IQSEC1: variants seen among roughly 807,000 people sequenced by gnomAD.
IQSEC1 encodes IQ motif and Sec7 domain ArfGEF 1.
A neutral mutation model predicts 91.0 loss-of-function variants in IQSEC1; 31 were observed. The ratio of observed to expected loss-of-function variants is 0.34; its 90% CI spans 0.26 to 0.46. IQSEC1 has a LOEUF of 0.46. IQSEC1 is among the 20% of genes least tolerant of loss of function. IQSEC1 has a pLI of 1.00. For synonymous variants in IQSEC1, 699 were observed against 662.6 expected (o/e 1.05, Z -0.84); for missense variants, 1,388 against 1,575.6 (o/e 0.88, Z 2.02).
rs1274773101 is a variant in IQSEC1 at position 12,901,022 on chromosome 3, G to A, written c.3306C>T (p.Ser1102=). Residue 1102 remains serine, a synonymous_variant, in exon 14 of 14, where the codon AGC becomes AGT. Coordinates refer to ENST00000613206, the MANE Select transcript of IQSEC1 (RefSeq NM_001134382.3). ...GQPPAPPPPT[S]SKAKPSGIST... ...TGATGCCGCTGGGTTTGGCCTTGCT[G>A]CTGGTGGGGGGCGGCGGGGCAGGGG... 6 of 1,545,048 alleles carry A rather than the reference G, an allele frequency of 3.9e-6. No individual in the cohort carries two copies. Among genetic ancestry groups the A allele is most frequent in the South Asian group, 2.4e-5 (2 of 84,060 alleles).
At chr3:13,003,864 AT>A (rs1315827738) in intron 1 of IQSEC1, among the ~76,000 whole-genome samples, 1 of 152,242 alleles carries the variant, frequency 6.6e-6, no homozygotes, top group Admixed American at 6.6e-5. Flanking sequence ...CTGGAGCAGT[AT>A]TTAGGGGTGA....
At chr3:13,176,799 T>C (rs2125010732) in intron 1 of IQSEC1, among the ~76,000 whole-genome samples, 1 of 152,280 alleles carries the variant, frequency 6.6e-6, no homozygotes, top group South Asian at 2.1e-4. Context: ...GCCACAAAAC[T>C]AAGAAAATAG....
chr3:13,008,984 T>C lies in IQSEC1; in HGVS notation c.23+64008A>G, dbSNP rs936863012. ...AGTGACTTGCACAAGGCCACATGGC[T>C]TGTATGCTGCAGAGCTGGGTCTTGG... On this transcript the variant is annotated intron_variant, in intron 1 of 13. Transcript: ENST00000613206. This position sits in a 1 kb window ranked among gnomAD's most constrained non-coding sequence, Gnocchi z 4.1. Among the ~76,000 whole-genome samples the C allele has an allele frequency of 1.3e-5, 2 of 152,210 alleles. No homozygotes were observed. Among genetic ancestry groups the C allele is most frequent in the African/African-American group, 4.8e-5 (2 of 41,464 alleles).
chr3:12,900,434 C>A lies in IQSEC1; in HGVS notation c.*549G>T, dbSNP rs1054310095. The A allele has an allele frequency of 6.7e-6, 6 of 896,968 alleles. No homozygotes were observed. In the South Asian group the frequency reaches 3.1e-4, roughly 46 times the overall value. The allele number at this position is 896,968 out of a possible 1,614,324, so 55.6% of individuals were successfully genotyped here. Reference sequence around the variant, plus strand: ...GACTGAAACGCCTGCCTTTCACACACAAGTACTACCTATACAGTATATATA... The same window carrying A: ...GACTGAAACGCCTGCCTTTCACACAAAAGTACTACCTATACAGTATATATA... On this transcript the variant is annotated 3_prime_UTR_variant, in exon 14 of 14. Coordinates refer to ENST00000613206, the MANE Select transcript of IQSEC1 (RefSeq NM_001134382.3).
At chr3:13,121,623 T>A (rs1172859958) in intron 2 of IQSEC1, among the ~76,000 whole-genome samples, 2 of 152,154 alleles carry the variant, frequency 1.3e-5, no homozygotes, top group East Asian at 3.9e-4. Flanking sequence ...TGAGAAGGCA[T>A]CTGCCAATGC....
chr3:13,220,544 G>C (rs1391266105), intron 1 of IQSEC1, among the ~76,000 whole-genome samples: 3 of 152,106 alleles, frequency 2.0e-5, no homozygotes, highest in African/African-American at 7.3e-5. Context: ...CAGGGAAGAG[G>C]ACTCCCTGCT....
chr3:13,031,488 C>T (rs1223881587), intron 1 of IQSEC1, among the ~76,000 whole-genome samples: 1 of 152,212 alleles, frequency 6.6e-6, no homozygotes, highest in Admixed American at 6.5e-5. Flanking sequence ...GACAGTGTCC[C>T]AGGTCTCCCG....
At chr3:12,956,542 G>A (rs1024588235) in intron 1 of IQSEC1, among the ~76,000 whole-genome samples, 10 of 152,186 alleles carry the variant, frequency 6.6e-5, no homozygotes, top group African/African-American at 1.9e-4. Flanking sequence ...TTCACCAGAC[G>A]CCCTCGTTCC....
intron 1 of IQSEC1, among the ~76,000 whole-genome samples, chr3:13,174,483 CG>C (rs981193447): frequency 6.6e-6 from 1 of 152,146 alleles, no homozygotes; most frequent in South Asian, 2.1e-4. Context: ...CCCATCTCAG[CG>C]GGGGCTCCTC....
At chr3:13,001,424 T>C (rs1417678063) in intron 1 of IQSEC1, among the ~76,000 whole-genome samples, 1 of 152,170 alleles carries the variant, frequency 6.6e-6, no homozygotes, top group Non-Finnish European at 1.5e-5. Context: ...CTGATGGGCC[T>C]CTAAGAATAC....
intron 1 of IQSEC1, among the ~76,000 whole-genome samples, chr3:13,196,077 G>C (rs1694119893): frequency 6.6e-6 from 1 of 152,150 alleles, no homozygotes; most frequent in African/African-American, 2.4e-5. Flanking sequence ...CTCCCATCTG[G>C]TGCTTTTGTC....
rs139451386 is a variant in IQSEC1 at position 13,224,877 on chromosome 3, C to G, written c.272+57834G>C. Among the ~76,000 whole-genome samples, 579 of 152,380 alleles carry G rather than the reference C, an allele frequency of 3.8e-3. 5 individuals carry two copies. Among genetic ancestry groups the G allele is most frequent in the African/African-American group, 0.013 (551 of 41,592 alleles). On this transcript the variant is annotated intron_variant, in intron 1 of 15. Coordinates refer to the IQSEC1 transcript ENST00000648114. ...CCCCAGAAGCCAGCACCTCTACTAA[C>G]AATTCCATCAGCAAAGCATACCGGA...
At chr3:13,181,702 G>A (rs1576285647) in intron 1 of IQSEC1, among the ~76,000 whole-genome samples, 1 of 152,360 alleles carries the variant, frequency 6.6e-6, no homozygotes, top group South Asian at 2.1e-4. Context: ...GGGCCACAAA[G>A]GAGGAGGAAA....
At chr3:13,159,703 C>T (rs1707137881) in intron 2 of IQSEC1, among the ~76,000 whole-genome samples, 2 of 152,140 alleles carry the variant, frequency 1.3e-5, no homozygotes, top group African/African-American at 4.8e-5. Flanking sequence ...AGGTGAGACC[C>T]CCACCCACAG....
chr3:12,986,675 TA>T (rs1394765086), intron 1 of IQSEC1, among the ~76,000 whole-genome samples: 1 of 152,138 alleles, frequency 6.6e-6, no homozygotes, highest in African/African-American at 2.4e-5. Flanking sequence ...CACCAGGGTC[TA>T]GGGGGCAGGC....
At chr3:13,019,254 C>T (rs1703288443) in intron 1 of IQSEC1, among the ~76,000 whole-genome samples, 2 of 152,212 alleles carry the variant, frequency 1.3e-5, no homozygotes, top group South Asian at 2.1e-4. Context: ...GCCAAAGTTC[C>T]AGAGACCCTT....
intron 1 of IQSEC1, among the ~76,000 whole-genome samples, chr3:13,208,284 C>A (rs950566862): frequency 1.3e-5 from 2 of 151,794 alleles, no homozygotes; most frequent in African/African-American, 4.8e-5. Flanking sequence ...TGGTGCCTCC[C>A]ACTCTACAGA....
chr3:13,179,826 G>A (rs1451972420), intron 1 of IQSEC1, among the ~76,000 whole-genome samples: 2 of 152,236 alleles, frequency 1.3e-5, no homozygotes, highest in Non-Finnish European at 2.9e-5. Flanking sequence ...GTGGGCATGG[G>A]CTCGGCGGGC....
In IQSEC1 at chr3:12,922,012, C is replaced by T. The variant is rs1217736527; in HGVS notation, c.1853+108G>A. On this transcript the variant is annotated intron_variant, in intron 5 of 13. Coordinates refer to ENST00000613206, the MANE Select transcript of IQSEC1 (RefSeq NM_001134382.3). The surrounding 1 kb of genome is among the most constrained non-coding windows in gnomAD (Gnocchi z 5.1). The stretch of plus-strand genomic sequence containing the variant: ...CAAAGCAACATTCAGGGACACCTGG[C>T]CCTGTCTAGGGATGGTGGGGATGCA... 1.9e-5 allele frequency: 25 copies of T among 1,335,510 alleles called. No individual in the cohort carries two copies. Among genetic ancestry groups the T allele is most frequent in the Non-Finnish European group, 3.0e-6 (3 of 1,006,226 alleles). 82.7% of individuals were successfully genotyped at this position (1,335,510 alleles called of 1,614,324 possible). A position where few individuals can be genotyped will look rare whatever the true frequency, so the allele number is the denominator to read the frequency against.
Sources: gnomAD v4.1 joint callset for allele counts (sites outside exome capture counted in the v4.1 genomes callset) on GRCh38, gnomAD v4.1.1 for gene constraint, Gnocchi (gnomAD v3.1) non-coding constraint, MANE v1.5 for transcripts, NCBI Gene and HGNC (gene_info 2026-07-23, HGNC 2026-07-21) for gene names.